NELL1: variants seen among roughly 807,000 people sequenced by gnomAD.
NELL1 encodes protein kinase C-binding protein NELL1.
In NELL1, 76 loss-of-function variants were observed where a neutral mutation model predicts 107.4. The observed-to-expected ratio is 0.71, with a 90% CI of 0.59 to 0.86. NELL1 has a LOEUF of 0.86. Among genes scored for constraint, NELL1 ranks in the 40% least tolerant of loss-of-function variants. The pLI is 0.00. For missense variants in NELL1, 1,024 were observed against 1,005.5 expected (o/e 1.02, Z -0.25); for synonymous variants, 353 against 341.2 (o/e 1.03, Z -0.38).
chr11:21,506,815 TA>T (rs1362065540), intron 15 of NELL1, among the ~76,000 whole-genome samples: 1 of 152,208 alleles, frequency 6.6e-6, no homozygotes. Flanking sequence ...ATCATGGTTT[TA>T]GGGCCATAGC....
At chr11:20,906,000 T>C (rs1849989467) in intron 5 of NELL1, among the ~76,000 whole-genome samples, 1 of 152,038 alleles carries the variant, frequency 6.6e-6, no homozygotes, top group Non-Finnish European at 1.5e-5. Context: ...GATAAAACCA[T>C]CAAAAGATAA....
At chr11:21,509,025 A>C (rs1855368527) in intron 15 of NELL1, among the ~76,000 whole-genome samples, 1 of 152,186 alleles carries the variant, frequency 6.6e-6, no homozygotes, top group Admixed American at 6.5e-5. Context: ...AAAATATACA[A>C]ATACATTTTA....
chr11:21,043,405 G>T (rs537151761), intron 12 of NELL1, among the ~76,000 whole-genome samples: 52 of 152,128 alleles, frequency 3.4e-4, no homozygotes, highest in Non-Finnish European at 6.2e-4. Context: ...AAAGAACATG[G>T]TGTGTTCTAG....
At chr11:21,442,183 A>T (rs1239366226) in intron 15 of NELL1, among the ~76,000 whole-genome samples, 5 of 152,206 alleles carry the variant, frequency 3.3e-5, no homozygotes, top group Admixed American at 6.5e-5. Flanking sequence ...TTCATTTCTC[A>T]GGTGTCAGTT....
chr11:20,956,026 C>T (rs1301943385), intron 11 of NELL1, among the ~76,000 whole-genome samples: 1 of 151,974 alleles, frequency 6.6e-6, no homozygotes, highest in Non-Finnish European at 1.5e-5. Context: ...AGAGACCAGC[C>T]TGGCCAACAT....
chr11:21,035,346 G>C (rs1590566091), intron 12 of NELL1, among the ~76,000 whole-genome samples: 1 of 151,952 alleles, frequency 6.6e-6, no homozygotes, highest in African/African-American at 2.4e-5. Context: ...AAAAATCGAG[G>C]AGGAAGGACT....
chr11:20,751,804 T>C (rs1856147412), intron 2 of NELL1, among the ~76,000 whole-genome samples: 1 of 152,210 alleles, frequency 6.6e-6, no homozygotes, highest in Non-Finnish European at 1.5e-5. Context: ...GTTGGATTTA[T>C]TTTTTAATAT....
At chr11:21,355,620 C>T (rs994446446) in intron 14 of NELL1, among the ~76,000 whole-genome samples, 3 of 152,150 alleles carry the variant, frequency 2.0e-5, no homozygotes, top group African/African-American at 7.2e-5. Context: ...TACTCAGGTA[C>T]TTGAGTTGTT....
At chr11:20,738,159 G>A (rs143478012) in intron 2 of NELL1, among the ~76,000 whole-genome samples, 94 of 152,232 alleles carry the variant, frequency 6.2e-4, no homozygotes, top group African/African-American at 2.1e-3. Context: ...GGGTGTGTGC[G>A]TGTGCACAGC....
rs932957125 is a variant in NELL1, at chr11:20,825,188, G to T, written c.336-22395G>T. On this transcript the variant is annotated intron_variant, in intron 3 of 19. Coordinates refer to ENST00000357134, the MANE Select transcript of NELL1 (RefSeq NM_006157.5). ...GGCAATGCCTGCTTATCCAAGCACAGTTTGCTGTACGGACAAAACTCTCAT... is the reference window on the plus strand; with the variant it reads ...GGCAATGCCTGCTTATCCAAGCACATTTTGCTGTACGGACAAAACTCTCAT... 2.6e-5 allele frequency among the ~76,000 whole-genome samples: 4 copies of T among 151,370 alleles called. No homozygotes were observed. The Admixed American group carries it at 2.7e-4, about 10-fold the overall frequency.
chr11:21,169,667 C>T, intron 13 of NELL1: 2 of 504,096 alleles, frequency 4.0e-6, no homozygotes, highest in Non-Finnish European at 6.9e-6. Flanking sequence ...CCCTTCCTTA[C>T]TCCATATGTA....
chr11:21,473,843 G>C (rs1163347934), intron 15 of NELL1, among the ~76,000 whole-genome samples: 1 of 152,068 alleles, frequency 6.6e-6, no homozygotes, highest in Non-Finnish European at 1.5e-5. Flanking sequence ...CTGTGTTAAA[G>C]AGAACAAAAT....
At chr11:21,293,380 G>C (rs2133962947) in intron 14 of NELL1, among the ~76,000 whole-genome samples, 1 of 152,284 alleles carries the variant, frequency 6.6e-6, no homozygotes, top group South Asian at 2.1e-4. Context: ...ATCACAGTGA[G>C]ATACTATCTC....
At chr11:21,047,555 C>T (rs896286822) in intron 12 of NELL1, among the ~76,000 whole-genome samples, 1 of 152,252 alleles carries the variant, frequency 6.6e-6, no homozygotes, top group Admixed American at 6.5e-5. Flanking sequence ...ATTTATTTAA[C>T]ATTTCAGATG....
At chr11:21,391,595 A>G (rs372865929) in intron 15 of NELL1, among the ~76,000 whole-genome samples, 11 of 151,544 alleles carry the variant, frequency 7.3e-5, no homozygotes, top group African/African-American at 2.7e-4. Context: ...CATCAACATT[A>G]TCTTCCAAAT....
chr11:20,692,715 C>A (rs1409914148), intron 2 of NELL1, among the ~76,000 whole-genome samples: 1 of 151,892 alleles, frequency 6.6e-6, no homozygotes, highest in African/African-American at 2.4e-5. Context: ...ACTATGTGGT[C>A]AATTTTGGAA....
chr11:21,443,459 T>C (rs1853342505), intron 15 of NELL1, among the ~76,000 whole-genome samples: 1 of 152,026 alleles, frequency 6.6e-6, no homozygotes, highest in Admixed American at 6.5e-5. Flanking sequence ...TATTATTGAA[T>C]GAGTGCAGGA....
chr11:21,397,760 C>T (rs910817145), intron 15 of NELL1, among the ~76,000 whole-genome samples: 1 of 151,412 alleles, frequency 6.6e-6, no homozygotes. Flanking sequence ...AAGATAAGGC[C>T]TCTGGGAAGT....
At chr11:21,349,356 C>T (rs1384244673) in intron 14 of NELL1, among the ~76,000 whole-genome samples, 1 of 152,044 alleles carries the variant, frequency 6.6e-6, no homozygotes, top group African/African-American at 2.4e-5. Context: ...CAAACACCTG[C>T]CTGAGTCTAT....
Sources: gnomAD v4.1 joint callset for allele counts (sites outside exome capture counted in the v4.1 genomes callset) on GRCh38, gnomAD v4.1.1 for gene constraint, MANE v1.5 for transcripts, NCBI Gene and HGNC (gene_info 2026-07-23, HGNC 2026-07-21) for gene names.